Variants in ZNF804A observed in about 807,000 individuals in gnomAD.
ZNF804A encodes the protein zinc finger protein 804A.
In ZNF804A, 2 loss-of-function variants were observed where a neutral mutation model predicts 16.5. That is an observed-to-expected ratio of 0.12 (90% CI 0.05 to 0.38). ZNF804A has a LOEUF of 0.38. ZNF804A is among the 10% of genes least tolerant of loss of function. The pLI is 0.99. For synonymous variants in ZNF804A, 534 were observed against 489.6 expected, an observed-to-expected ratio of 1.09 and a Z score of -1.20; for missense variants, 1,473 against 1,390.7, an observed-to-expected ratio of 1.06 and a Z score of -0.94.
chr2:184,673,794 A>T (rs1369669301), intron 1 of ZNF804A, among the ~76,000 whole-genome samples: 1 of 152,188 alleles, frequency 6.6e-6, no homozygotes, highest in Non-Finnish European at 1.5e-5. Flanking sequence ...TAGGAAAATA[A>T]ATGACTTTAT....
At chr2:184,609,499 C>T (rs1291911661) in intron 1 of ZNF804A, among the ~76,000 whole-genome samples, 1 of 152,164 alleles carries the variant, frequency 6.6e-6, no homozygotes, top group East Asian at 1.9e-4. Flanking sequence ...GATTGGGCTT[C>T]CATAACAAAT....
At chr2:184,799,302 G>A (rs193081831) in intron 1 of ZNF804A, among the ~76,000 whole-genome samples, 3 of 151,956 alleles carry the variant, frequency 2.0e-5, no homozygotes, top group East Asian at 3.9e-4. Flanking sequence ...CTGATGCACC[G>A]ATTGATTTTT....
intron 1 of ZNF804A, among the ~76,000 whole-genome samples, chr2:184,821,432 T>C (rs574467924): frequency 2.5e-4 from 38 of 152,230 alleles, no homozygotes; most frequent in Non-Finnish European, 4.0e-4. Flanking sequence ...ATTAAAGATT[T>C]AAATGTAAAA....
chr2:184,735,959 T>G (rs543082618), intron 1 of ZNF804A, among the ~76,000 whole-genome samples: 1 of 152,326 alleles, frequency 6.6e-6, no homozygotes, highest in Admixed American at 6.5e-5. Flanking sequence ...TGATTTATTT[T>G]TATATTTCAT....
chr2:184,901,330 G>T (rs1286901149), intron 2 of ZNF804A, among the ~76,000 whole-genome samples: 1 of 152,126 alleles, frequency 6.6e-6, no homozygotes, highest in Non-Finnish European at 1.5e-5. Flanking sequence ...TCTGAAACTT[G>T]TTTAGAAGAG....
In ZNF804A at chr2:184,645,693, G is replaced by C. The variant is rs553235990; in HGVS notation, c.111+46623G>C. ...GGATTTTTTATTTTCCCAAAGATGG[G>C]GGATTAGAGGCTTTCAGCATGCTTT... On this transcript the variant is annotated intron_variant, in intron 1 of 3. Transcript: ENST00000302277. Among the ~76,000 whole-genome samples the C allele has an allele frequency of 3.3e-5, 5 of 152,266 alleles. No individual in the cohort carries two copies. In the East Asian group the frequency reaches 9.6e-4, roughly 29 times the overall value.
intron 1 of ZNF804A, among the ~76,000 whole-genome samples, chr2:184,795,135 A>G (rs1187949426): frequency 6.6e-6 from 1 of 152,166 alleles, no homozygotes; most frequent in African/African-American, 2.4e-5. Context: ...TCAACAGTGC[A>G]TGGAAGTTTC....
At chr2:184,925,419 G>A (rs1685594519) in intron 2 of ZNF804A, among the ~76,000 whole-genome samples, 1 of 151,786 alleles carries the variant, frequency 6.6e-6, no homozygotes, top group African/African-American at 2.4e-5. Context: ...CACTCTGTGT[G>A]TGTTTTTATA....
chr2:184,898,490 A>G (rs543290954), intron 2 of ZNF804A, among the ~76,000 whole-genome samples: 2 of 152,192 alleles, frequency 1.3e-5, no homozygotes, highest in Admixed American at 1.3e-4. Flanking sequence ...GTTCATACCT[A>G]TACTAAGCCT....
intron 2 of ZNF804A, among the ~76,000 whole-genome samples, chr2:184,876,399 A>G (rs1031794031): frequency 3.3e-5 from 5 of 150,330 alleles, no homozygotes; most frequent in Admixed American, 2.7e-4. Flanking sequence ...TTTGGTGTGT[A>G]TGTCGTGTGT....
chr2:184,670,198 A>AT lies in ZNF804A; in HGVS notation c.111+71135dup, dbSNP rs956728563. On this transcript the variant is annotated intron_variant, in intron 1 of 3. Transcript: ENST00000302277. ...TATGCTTTTTCTGTCTGATAGCTCT[A>AT]TTTTTTTCTGTTTATTCTGAATGTT... Among the ~76,000 whole-genome samples, 4 of 151,640 alleles carry AT rather than the reference A, an allele frequency of 2.6e-5. 1 individual carries two copies. The highest frequency in any genetic ancestry group is 5.9e-5 in the Non-Finnish European group (4 of 67,844).
At chr2:184,866,114 C>A (rs939019215) in intron 1 of ZNF804A, among the ~76,000 whole-genome samples, 17 of 152,086 alleles carry the variant, frequency 1.1e-4, no homozygotes, top group African/African-American at 3.4e-4. Context: ...TCAAGGACTT[C>A]TATTTATTTC....
intron 2 of ZNF804A, among the ~76,000 whole-genome samples, chr2:184,923,845 A>G (rs1189682932): frequency 6.6e-6 from 1 of 152,024 alleles, no homozygotes; most frequent in Non-Finnish European, 1.5e-5. Flanking sequence ...GATATGATGT[A>G]TCACACTGAT....
At chr2:184,776,909 G>T (rs1278568888) in intron 1 of ZNF804A, among the ~76,000 whole-genome samples, 1 of 151,336 alleles carries the variant, frequency 6.6e-6, no homozygotes, top group Non-Finnish European at 1.5e-5. Flanking sequence ...TTGAAGTGTG[G>T]GACTCATTAC....
chr2:184,806,121 A>G (rs1694798438), intron 1 of ZNF804A, among the ~76,000 whole-genome samples: 1 of 151,928 alleles, frequency 6.6e-6, no homozygotes, highest in African/African-American at 2.4e-5. Flanking sequence ...TTTTGTATCC[A>G]TCACTATTGA....
At chr2:184,724,520 C>T (rs1261059404) in intron 1 of ZNF804A, among the ~76,000 whole-genome samples, 4 of 151,310 alleles carry the variant, frequency 2.6e-5, no homozygotes, top group Non-Finnish European at 4.4e-5. Flanking sequence ...CATGAGAAAT[C>T]TTGGGAGGAT....
At chr2:184,721,287 G>A (rs1489217606) in intron 1 of ZNF804A, among the ~76,000 whole-genome samples, 5 of 152,018 alleles carry the variant, frequency 3.3e-5, no homozygotes, top group Admixed American at 6.6e-5. Flanking sequence ...AGCAAAGAAA[G>A]CAATCAACAG....
intron 1 of ZNF804A, among the ~76,000 whole-genome samples, chr2:184,718,188 G>A (rs953081288): frequency 2.0e-5 from 3 of 152,068 alleles, no homozygotes; most frequent in East Asian, 1.9e-4. Flanking sequence ...GGAAACTTAC[G>A]TTTTTAAAAT....
At chr2:184,897,441 C>T (rs1295753621) in intron 2 of ZNF804A, among the ~76,000 whole-genome samples, 2 of 150,322 alleles carry the variant, frequency 1.3e-5, no homozygotes, top group African/African-American at 2.4e-5. Flanking sequence ...CCTTTCCATA[C>T]AGCAATTTTT....
Sources: allele counts gnomAD v4.1 joint callset (sites outside exome capture counted in the v4.1 genomes callset), GRCh38; gene constraint gnomAD v4.1.1; transcripts MANE v1.5; gene names NCBI Gene and HGNC (gene_info 2026-07-23, HGNC 2026-07-21).